Variants in PRKCB observed in about 807,000 individuals in gnomAD.
PRKCB encodes protein kinase C beta type.
A neutral mutation model predicts 81.5 loss-of-function variants in PRKCB; 13 were observed. That is an observed-to-expected ratio of 0.16 (90% CI 0.10 to 0.25). The LOEUF is 0.25. Among genes scored for constraint, PRKCB ranks in the 10% least tolerant of loss-of-function variants. PRKCB has a pLI of 1.00. For synonymous variants in PRKCB, 335 were observed against 321.4 expected (o/e 1.04, Z -0.45); for missense variants, 509 against 875.7 (o/e 0.58, Z 5.29).
intron 7 of PRKCB, among the ~76,000 whole-genome samples, chr16:24,107,889 A>G (rs1425453799): frequency 6.6e-6 from 1 of 152,236 alleles, no homozygotes; most frequent in Non-Finnish European, 1.5e-5. Context: ...TGAGACCCCA[A>G]ATACTCTAGA....
intron 2 of PRKCB, among the ~76,000 whole-genome samples, chr16:23,951,205 A>G (rs901305152): frequency 1.3e-5 from 2 of 152,252 alleles, no homozygotes; most frequent in African/African-American, 2.4e-5. Context: ...CCTTGCATCC[A>G]GGGTGCTCTA....
chr16:24,149,874 A>T (rs770299866), intron 9 of PRKCB, among the ~76,000 whole-genome samples: 18 of 152,366 alleles, frequency 1.2e-4, no homozygotes, highest in Non-Finnish European at 2.4e-4. Context: ...AATAAAAATA[A>T]CTTTATTGGA....
chr16:24,035,330 GA>G, intron 4 of PRKCB, 88 bp from the exon 5 acceptor site: 1 of 1,502,506 alleles, frequency 6.7e-7, no homozygotes, highest in Admixed American at 1.9e-5. Flanking sequence ...AGGGAAACAG[GA>G]AGGGCTCAGC....
At chr16:23,981,703 C>CCCCTTCCCTTT (rs1567333430) in intron 2 of PRKCB, among the ~76,000 whole-genome samples, 1 of 66,738 alleles carries the variant, frequency 1.5e-5, no homozygotes, top group Non-Finnish European at 2.9e-5. Context: ...CCCTTCCCTT[C>CCCCTTCCCTTT]CCCTTCCCTT....
At chr16:24,149,174 A>G (rs1019046854) in intron 9 of PRKCB, among the ~76,000 whole-genome samples, 3 of 152,178 alleles carry the variant, frequency 2.0e-5, no homozygotes, top group Non-Finnish European at 4.4e-5. Context: ...AACTGACAGA[A>G]GCTACAGCCT....
At chr16:24,135,125 C>A (rs528093869) in intron 9 of PRKCB, among the ~76,000 whole-genome samples, 130 of 151,882 alleles carry the variant, frequency 8.6e-4, no homozygotes, top group African/African-American at 3.1e-3. Context: ...ACAGCATGGG[C>A]CCTGAGCACT....
At chr16:23,950,132 A>ATTTTTTTTTTTTTTT in intron 2 of PRKCB, among the ~76,000 whole-genome samples, 1 of 97,774 alleles carries the variant, frequency 1.0e-5, no homozygotes, top group Admixed American at 1.2e-4. Context: ...TATGATTTGA[A>ATTTTTTTTTTTTTTT]TTTTTTTTTT....
chr16:23,890,229 A>G (rs79054659), intron 2 of PRKCB, among the ~76,000 whole-genome samples: 2,390 of 152,288 alleles, frequency 0.016, 61 homozygotes, highest in African/African-American at 0.053. Context: ...TTATTGCCTG[A>G]ATCAAGAAAA....
intron 2 of PRKCB, among the ~76,000 whole-genome samples, chr16:23,932,164 G>A (rs1399584760): frequency 6.6e-6 from 1 of 152,118 alleles, no homozygotes; most frequent in Non-Finnish European, 1.5e-5. Flanking sequence ...AAAAGATATA[G>A]CAATCTAAGA....
chr16:23,927,764 T>C (rs1233586401), intron 2 of PRKCB, among the ~76,000 whole-genome samples: 1 of 151,988 alleles, frequency 6.6e-6, no homozygotes, highest in African/African-American at 2.4e-5. Flanking sequence ...GTTTCTGGCT[T>C]GGGTACTAGG....
At chr16:24,108,905 C>G (rs1966619598) in intron 7 of PRKCB, among the ~76,000 whole-genome samples, 1 of 151,422 alleles carries the variant, frequency 6.6e-6, no homozygotes, top group African/African-American at 2.4e-5. Flanking sequence ...GGCAGAGGGG[C>G]TCCTCACTTC....
chr16:23,902,168 A>C (rs1287669097), intron 2 of PRKCB, among the ~76,000 whole-genome samples: 1 of 152,172 alleles, frequency 6.6e-6, no homozygotes, highest in Admixed American at 6.5e-5. Flanking sequence ...TGGGGCTCTT[A>C]TCTGTATGGA....
At chr16:24,014,824 G>C (rs1965255095) in intron 3 of PRKCB, among the ~76,000 whole-genome samples, 1 of 152,048 alleles carries the variant, frequency 6.6e-6, no homozygotes, top group Admixed American at 6.5e-5. Flanking sequence ...ACAGAGTCTT[G>C]CTCTTGTCAC....
chr16:23,931,029 T>C (rs1963966396), intron 2 of PRKCB, among the ~76,000 whole-genome samples: 2 of 152,214 alleles, frequency 1.3e-5, no homozygotes, highest in Admixed American at 6.5e-5. Flanking sequence ...GGCATGGGCT[T>C]ATCCCCTGGA....
intron 2 of PRKCB, among the ~76,000 whole-genome samples, chr16:23,933,935 C>T (rs7404795): frequency 3.9e-5 from 5 of 128,010 alleles, no homozygotes; most frequent in East Asian, 2.5e-4. Context: ...ATTCATCCAT[C>T]CATCCATCCA....
At chr16:23,981,099 C>G (rs748431235) in intron 2 of PRKCB, among the ~76,000 whole-genome samples, 9 of 152,094 alleles carry the variant, frequency 5.9e-5, no homozygotes, top group Non-Finnish European at 1.0e-4. Context: ...AAATGGCACA[C>G]ATTTATTATC....
chr16:24,089,770 GTC>G (rs71381637), intron 5 of PRKCB, among the ~76,000 whole-genome samples: 48 of 148,960 alleles, frequency 3.2e-4, no homozygotes, highest in East Asian at 3.9e-4. Context: ...GTGAGACCTT[GTC>G]TCTCTCTCTC....
At chr16:24,056,339 G>A (rs765718978) in intron 5 of PRKCB, among the ~76,000 whole-genome samples, 1 of 152,166 alleles carries the variant, frequency 6.6e-6, no homozygotes, top group Non-Finnish European at 1.5e-5. Context: ...GGTCATACAG[G>A]TTCCCCTAGA....
chr16:24,115,762 G>A (rs1470157765), intron 8 of PRKCB, among the ~76,000 whole-genome samples: 1 of 152,070 alleles, frequency 6.6e-6, no homozygotes, highest in African/African-American at 2.4e-5. Context: ...GTCTTTCTCT[G>A]TCACCCAGGC....
Sources: allele counts gnomAD v4.1 joint callset (sites outside exome capture counted in the v4.1 genomes callset), GRCh38; gene constraint gnomAD v4.1.1; transcripts MANE v1.5; gene names NCBI Gene and HGNC (gene_info 2026-07-23, HGNC 2026-07-21).